TNR: variants seen among roughly 807,000 people sequenced by gnomAD.
TNR encodes tenascin R.
A neutral mutation model predicts 150.4 loss-of-function variants in TNR; 45 were observed. That is an observed-to-expected ratio of 0.30 (90% CI 0.24 to 0.38). The LOEUF is 0.38. Ranked by LOEUF, TNR falls within the 10% of genes least tolerant of loss-of-function variation. TNR has a pLI of 1.00. For synonymous variants in TNR, 687 were observed against 678.4 expected (o/e 1.01, Z -0.20); for missense variants, 1,544 against 1,759.1 (o/e 0.88, Z 2.19).
At chr1:175,337,450 T>C in intron 19 of TNR, 78 bp downstream of exon 19, 1 of 1,561,644 alleles carries the variant, frequency 6.4e-7, no homozygotes, top group Non-Finnish European at 8.8e-7. Flanking sequence ...ATGGTGAAGT[T>C]GGCTTGGCAG....
At chr1:175,496,882 TA>T (rs1658511619) in intron 2 of TNR, among the ~76,000 whole-genome samples, 1 of 152,206 alleles carries the variant, frequency 6.6e-6, no homozygotes, top group Admixed American at 6.5e-5. Context: ...TATCTGATGC[TA>T]ACAGATAAGG....
chr1:175,365,828 G>A (rs1269619647), intron 11 of TNR, 47 bp downstream of exon 11: 1 of 1,584,854 alleles, frequency 6.3e-7, no homozygotes, highest in Non-Finnish European at 8.6e-7. Flanking sequence ...CTCACACTGA[G>A]ATCCACTGAT....
chr1:175,735,870 A>G (rs1474635367), intron 1 of TNR, among the ~76,000 whole-genome samples: 9 of 152,188 alleles, frequency 5.9e-5, no homozygotes, highest in African/African-American at 2.2e-4. Context: ...ATTTCAGTCT[A>G]GTACAATTTC....
At chr1:175,692,553 A>C (rs1288806191) in intron 1 of TNR, among the ~76,000 whole-genome samples, 2 of 152,190 alleles carry the variant, frequency 1.3e-5, no homozygotes, top group African/African-American at 4.8e-5. Flanking sequence ...AGCTATAAAC[A>C]AGTAAGCTCA....
intron 1 of TNR, among the ~76,000 whole-genome samples, chr1:175,576,189 C>A (rs1334698559): frequency 6.6e-6 from 1 of 152,174 alleles, no homozygotes; most frequent in Non-Finnish European, 1.5e-5. Flanking sequence ...CGGGATTTCA[C>A]TGGATAGAAG....
chr1:175,742,617 G>A (rs1237648327), intron 1 of TNR, among the ~76,000 whole-genome samples: 1 of 152,120 alleles, frequency 6.6e-6, no homozygotes, highest in Non-Finnish European at 1.5e-5. Flanking sequence ...TGTTGCACCT[G>A]CCCACTTACC....
At position 175,591,359 on chromosome 1, in the gene TNR, G is replaced by T. The variant is rs1378504191; in HGVS notation, c.-164-62990C>A. Among the ~76,000 whole-genome samples, 4 of 152,352 alleles carry T rather than the reference G, an allele frequency of 2.6e-5. 1 individual carries two copies. In the Middle Eastern group the frequency reaches 0.01, roughly 389 times the overall value. On this transcript the variant is annotated intron_variant, in intron 1 of 22. Transcript: ENST00000367674. Reference sequence around the variant, plus strand: ...GCAGAAATGAACCCCTCCCAGGACTGCTGTGGGATTAATAAGCCCTTGAGA... The same window carrying T: ...GCAGAAATGAACCCCTCCCAGGACTTCTGTGGGATTAATAAGCCCTTGAGA...
At chr1:175,732,220 T>C (rs1667661853) in intron 1 of TNR, among the ~76,000 whole-genome samples, 1 of 152,226 alleles carries the variant, frequency 6.6e-6, no homozygotes, top group African/African-American at 2.4e-5. Context: ...GGACCATCAT[T>C]TCAGAATCCA....
At chr1:175,537,001 C>CT (rs1272950687) in intron 1 of TNR, among the ~76,000 whole-genome samples, 2 of 152,144 alleles carry the variant, frequency 1.3e-5, no homozygotes, top group Non-Finnish European at 2.9e-5. Context: ...TCCATTCCCA[C>CT]TTTTTTGCCC....
chr1:175,635,110 C>G (rs550777057), intron 1 of TNR, among the ~76,000 whole-genome samples: 1 of 152,336 alleles, frequency 6.6e-6, no homozygotes, highest in Admixed American at 6.5e-5. Context: ...GAGGGCTGCT[C>G]CATCCTCACA....
intron 2 of TNR, among the ~76,000 whole-genome samples, chr1:175,412,018 A>G (rs1392205281): frequency 6.6e-6 from 1 of 152,186 alleles, no homozygotes; most frequent in Non-Finnish European, 1.5e-5. Flanking sequence ...AGAATGGGGC[A>G]TCAGTCAATC....
rs1557859364 is a variant in TNR, at chr1:175,318,591, T to G, written c.*4766A>C. On this transcript the variant is annotated 3_prime_UTR_variant, in exon 23 of 23. Coordinates refer to ENST00000367674, the MANE Select transcript of TNR (RefSeq NM_003285.3). Reference sequence around the variant, plus strand: ...CCCAGTATTGTTGAAGAAAGCTTTATCACATATGTGTAGGATTGGGTTATG... The same window carrying G: ...CCCAGTATTGTTGAAGAAAGCTTTAGCACATATGTGTAGGATTGGGTTATG... 1 of 152,260 alleles carries G rather than the reference T, an allele frequency of 6.6e-6. No individual in the cohort carries two copies. Among genetic ancestry groups the G allele is most frequent in the Admixed American group, 6.5e-5 (1 of 15,288 alleles). 9.4% of individuals were successfully genotyped at this position (152,260 alleles called of 1,614,324 possible).
chr1:175,400,686 A>T (rs1653665974), intron 4 of TNR, among the ~76,000 whole-genome samples: 2 of 152,112 alleles, frequency 1.3e-5, no homozygotes, highest in African/African-American at 4.8e-5. Flanking sequence ...CCTATAACGA[A>T]GTATATTTTG....
chr1:175,343,042 C>A (rs1439356864), intron 18 of TNR, among the ~76,000 whole-genome samples: 3 of 152,304 alleles, frequency 2.0e-5, no homozygotes, highest in African/African-American at 7.2e-5. Flanking sequence ...GGTCTCCCTG[C>A]TGCCATTCTG....
At chr1:175,676,147 A>G (rs1665859710) in intron 1 of TNR, among the ~76,000 whole-genome samples, 1 of 152,158 alleles carries the variant, frequency 6.6e-6, no homozygotes, top group Non-Finnish European at 1.5e-5. Context: ...GCAGGTGATA[A>G]GATTAGGGCA....
At chr1:175,560,920 G>T (rs2102209893) in intron 1 of TNR, among the ~76,000 whole-genome samples, 1 of 152,224 alleles carries the variant, frequency 6.6e-6, no homozygotes, top group Admixed American at 6.5e-5. Flanking sequence ...AATCGATTTT[G>T]TTCCTCTCTG....
At chr1:175,713,073 C>T (rs1174646636) in intron 1 of TNR, among the ~76,000 whole-genome samples, 1 of 152,082 alleles carries the variant, frequency 6.6e-6, no homozygotes, top group African/African-American at 2.4e-5. Flanking sequence ...CCAGTGCAAA[C>T]GGGACACCCA....
In TNR at chr1:175,420,996, A is replaced by C. The variant is rs540512948; in HGVS notation, c.-63-14219T>G. ...GTTTCAGGAAGAATACGCTCTCTGA[A>C]TTTTTTTTTAAAGTTTCAGCCTTCT... is the stretch of plus-strand genomic sequence containing the variant. On this transcript the variant is annotated intron_variant, in intron 2 of 22. Transcript: ENST00000367674. 2.0e-5 allele frequency among the ~76,000 whole-genome samples: 3 copies of C among 151,914 alleles called. No homozygotes were observed. The East Asian group carries it at 5.8e-4, about 29-fold the overall frequency.
chr1:175,385,485 C>A (rs1162354111), intron 8 of TNR, among the ~76,000 whole-genome samples: 1 of 152,182 alleles, frequency 6.6e-6, no homozygotes, highest in Non-Finnish European at 1.5e-5. Flanking sequence ...AGCCTTACTG[C>A]TAGTGCTTAC....
Sources: gnomAD v4.1 joint callset for allele counts (sites outside exome capture counted in the v4.1 genomes callset) on GRCh38, gnomAD v4.1.1 for gene constraint, MANE v1.5 for transcripts, NCBI Gene and HGNC (gene_info 2026-07-23, HGNC 2026-07-21) for gene names.